The following HAO1 variants were observed in gnomAD, a reference collection of about 807,000 sequenced individuals.
HAO1 encodes the protein hydroxyacid oxidase 1.
Under a neutral mutation model 39.7 loss-of-function variants are expected in HAO1, and 34 were observed. That is an observed-to-expected ratio of 0.86 (90% confidence interval 0.65 to 1.14). The LOEUF (loss-of-function observed/expected upper bound fraction) is 1.14, where lower values mean the gene tolerates loss of function less well. Ranked by LOEUF, HAO1 falls within the 50% of genes most tolerant of loss-of-function variation. HAO1 has a pLI of 0.00. For missense variants in HAO1, 479 were observed against 464.5 expected (o/e 1.03, Z -0.29); for synonymous variants, 172 against 173.2 (o/e 0.99, Z 0.05).
rs568053126 is a variant in HAO1 at position 7,897,317 on chromosome 20, A to G, written c.722-2093T>C. ...TTGTTTTCTCACTCTAATGACTTACATTATCAGCATTCGGAAATTGTTGGT... is the reference window on the plus strand; with the variant it reads ...TTGTTTTCTCACTCTAATGACTTACGTTATCAGCATTCGGAAATTGTTGGT... On this transcript the variant is annotated intron_variant, in intron 4 of 7. Coordinates refer to ENST00000378789, the MANE Select transcript of HAO1 (RefSeq NM_017545.3). 2.6e-5 allele frequency among the ~76,000 whole-genome samples: 4 copies of G among 152,298 alleles called. No homozygotes were observed. The East Asian group carries it at 5.8e-4, about 22-fold the overall frequency.
intron 4 of HAO1, among the ~76,000 whole-genome samples, chr20:7,898,163 G>A (rs1156455889): frequency 6.6e-6 from 1 of 152,128 alleles, no homozygotes; most frequent in Non-Finnish European, 1.5e-5. Flanking sequence ...AGGATTGCTG[G>A]CAGGCATAAC....
At chr20:7,896,573 T>C (rs983291738) in intron 4 of HAO1, among the ~76,000 whole-genome samples, 1 of 152,208 alleles carries the variant, frequency 6.6e-6, no homozygotes, top group Non-Finnish European at 1.5e-5. Context: ...ATTATAGGTA[T>C]AGGAAACTGT....
intron 5 of HAO1, among the ~76,000 whole-genome samples, chr20:7,892,138 G>T (rs560653980): frequency 6.6e-6 from 1 of 152,146 alleles, no homozygotes; most frequent in Non-Finnish European, 1.5e-5. Context: ...AGACTTGAGT[G>T]CAGGGGCATG....
intron 2 of HAO1, among the ~76,000 whole-genome samples, chr20:7,919,557 G>A (rs1234218711): frequency 1.3e-5 from 2 of 152,188 alleles, no homozygotes; most frequent in Non-Finnish European, 2.9e-5. Flanking sequence ...CAACAGGGTA[G>A]AATGGATTGA....
chr20:7,939,238 T>C (rs934023475), intron 1 of HAO1, among the ~76,000 whole-genome samples: 2 of 152,214 alleles, frequency 1.3e-5, no homozygotes, highest in African/African-American at 4.8e-5. Context: ...TGAGACAAAG[T>C]CAAGGCTTGA....
Position 7,914,157 on chromosome 20 carries a change from T to C in HAO1, c.545+7A>G, listed in dbSNP as rs1284669722. 2.5e-6 allele frequency: 4 copies of C among 1,613,552 alleles called. No individual in the cohort carries two copies. Among genetic ancestry groups the C allele is most frequent in the Admixed American group, 1.7e-5 (1 of 59,994 alleles). On this transcript the variant is annotated splice_region_variant and intron_variant, in intron 3 of 7. Coordinates refer to ENST00000378789, the MANE Select transcript of HAO1 (RefSeq NM_017545.3). ...CCTCAGCTCGGGGCCCACATGATCA[T>C]GGTTACCTGAGTTGTGGCGGCAGTT...
intron 1 of HAO1, among the ~76,000 whole-genome samples, chr20:7,936,550 G>GTGTGTGTGTGTGT (rs1292549632): frequency 5.0e-5 from 7 of 141,068 alleles, no homozygotes; most frequent in African/African-American, 1.7e-4. Flanking sequence ...GTGTGTGTTC[G>GTGTGTGTGTGTGT]CGCGCGCGCG....
intron 2 of HAO1, among the ~76,000 whole-genome samples, chr20:7,927,406 A>G (rs191205264): frequency 2.6e-5 from 4 of 152,208 alleles, no homozygotes; most frequent in Admixed American, 2.6e-4. Flanking sequence ...ATGATCTGCT[A>G]GAGTTTCAAA....
chr20:7,886,347 T>C (rs902315214), intron 5 of HAO1, among the ~76,000 whole-genome samples: 37 of 152,092 alleles, frequency 2.4e-4, no homozygotes, highest in African/African-American at 7.7e-4. Context: ...CTAATTTTTG[T>C]ATTTTTAGTA....
chr20:7,910,186 T>G (rs2294300), intron 3 of HAO1, among the ~76,000 whole-genome samples: 11,567 of 152,162 alleles, frequency 0.076, 539 homozygotes, highest in East Asian at 0.21. Flanking sequence ...GTAAGCATAA[T>G]CAATAAATTA....
At chr20:7,895,015 T>G in intron 5 of HAO1, 118 bp downstream of exon 5, 1 of 699,128 alleles carries the variant, frequency 1.4e-6, no homozygotes, top group Non-Finnish European at 2.5e-6. Context: ...TATTTGCACG[T>G]ATTTCACCTT....
At chr20:7,933,973 G>A (rs762736984) in intron 2 of HAO1, among the ~76,000 whole-genome samples, 4 of 152,142 alleles carry the variant, frequency 2.6e-5, no homozygotes, top group South Asian at 2.1e-4. Flanking sequence ...AACCAACCAC[G>A]TTGCTCCATT....
At chr20:7,930,577 G>A (rs1314529998) in intron 2 of HAO1, among the ~76,000 whole-genome samples, 1 of 152,178 alleles carries the variant, frequency 6.6e-6, no homozygotes, top group Non-Finnish European at 1.5e-5. Flanking sequence ...AAGGAATGGG[G>A]AAGTGAGAAA....
intron 5 of HAO1, among the ~76,000 whole-genome samples, chr20:7,891,363 A>T (rs992679173): frequency 2.0e-5 from 3 of 152,050 alleles, no homozygotes; most frequent in Non-Finnish European, 4.4e-5. Flanking sequence ...TTGTCTATTC[A>T]TGTCTTTAGT....
intron 1 of HAO1, among the ~76,000 whole-genome samples, chr20:7,937,078 C>G (rs1418166638): frequency 6.6e-6 from 1 of 151,982 alleles, no homozygotes; most frequent in Non-Finnish European, 1.5e-5. Context: ...AATGAGATGC[C>G]AGAGTAAAGG....
intron 2 of HAO1, among the ~76,000 whole-genome samples, chr20:7,931,658 A>T (rs1398310106): frequency 1.3e-5 from 2 of 152,180 alleles, no homozygotes; most frequent in Non-Finnish European, 2.9e-5. Context: ...AGGGGATAAG[A>T]CTGTAATAGG....
chr20:7,906,497 G>A (rs1467169225), intron 3 of HAO1, among the ~76,000 whole-genome samples, 168 bp from the exon 4 acceptor site: 1 of 152,076 alleles, frequency 6.6e-6, no homozygotes, highest in Non-Finnish European at 1.5e-5. Flanking sequence ...TAGGACTCTA[G>A]ACTAAATGTG....
intron 2 of HAO1, among the ~76,000 whole-genome samples, chr20:7,916,008 C>A (rs1488208462): frequency 6.6e-6 from 1 of 151,980 alleles, no homozygotes; most frequent in Admixed American, 6.6e-5. Flanking sequence ...TGCTAGATAT[C>A]CCAAGTAGAC....
intron 3 of HAO1, among the ~76,000 whole-genome samples, chr20:7,912,873 A>T (rs1050733006): frequency 6.6e-6 from 1 of 152,188 alleles, no homozygotes; most frequent in Non-Finnish European, 1.5e-5. Context: ...AGTAACAGGG[A>T]GGTAACATCA....
Sources: allele counts gnomAD v4.1 joint callset (sites outside exome capture counted in the v4.1 genomes callset), GRCh38; gene constraint gnomAD v4.1.1; transcripts MANE v1.5; gene names NCBI Gene and HGNC (gene_info 2026-07-23, HGNC 2026-07-21).